Variants in EML6 observed in about 807,000 individuals in gnomAD.
The protein encoded by EML6 is echinoderm microtubule-associated protein-like 6.
EML6 carries 154 observed loss-of-function variants against 240.1 expected under a neutral mutation model. The observed-to-expected ratio is 0.64, with a 90% confidence interval of 0.56 to 0.73. The LOEUF is 0.73. EML6 is among the 30% of genes least tolerant of loss of function. EML6 has a pLI of 0.00. For missense variants in EML6, 2,964 were observed against 2,474.6 expected (o/e 1.20, Z -4.20); for synonymous variants, 1,148 against 899.0 (o/e 1.28, Z -4.95).
chr2:54,740,172 C>G (rs778713571), intron 2 of EML6, among the ~76,000 whole-genome samples: 5 of 152,076 alleles, frequency 3.3e-5, no homozygotes, highest in Admixed American at 6.6e-5. Context: ...CAGGAGAGAG[C>G]TGTGAGAGTT....
chr2:54,811,106 C>G (rs78086473), intron 2 of EML6, among the ~76,000 whole-genome samples: 4,262 of 152,186 alleles, frequency 0.028, 75 homozygotes, highest in Middle Eastern at 0.058. Flanking sequence ...TCCCCTCTAC[C>G]CATGTCTTCC....
intron 2 of EML6, among the ~76,000 whole-genome samples, chr2:54,791,272 C>G (rs1007528070): frequency 6.6e-6 from 1 of 152,262 alleles, no homozygotes; most frequent in Admixed American, 6.5e-5. Context: ...ACAGTCCTGC[C>G]GGTATGCTCA....
At chr2:54,823,866 CTCTCTCTCTCTT>C (rs1200234241) in intron 5 of EML6, among the ~76,000 whole-genome samples, 1 of 148,214 alleles carries the variant, frequency 6.7e-6, no homozygotes, top group Non-Finnish European at 1.5e-5. Flanking sequence ...CTCTCTCTCT[CTCTCTCTCTCTT>C]TCTGTCTCTC....
chr2:54,879,713 C>T, intron 17 of EML6, 73 bp downstream of exon 17: 1 of 928,566 alleles, frequency 1.1e-6, no homozygotes, highest in Non-Finnish European at 1.7e-6. Flanking sequence ...TTTTCATTTT[C>T]TGGTAAGATT....
Position 54,794,092 on chromosome 2 carries a change from CAAAT to C in EML6, c.198-19135_198-19132del, listed in dbSNP as rs373132275. Among the ~76,000 whole-genome samples the C allele has an allele frequency of 2.0e-3, 308 of 152,216 alleles. 2 individuals carry two copies. The highest frequency in any genetic ancestry group is 7.0e-3 in the African/African-American group (290 of 41,522). The stretch of plus-strand genomic sequence containing the variant: ...ACTAAGTATATTCCATATATTATCT[CAAAT>C]AAATCTTATCCCAGTGAAGTAAGTT... On this transcript the variant is annotated intron_variant, in intron 2 of 41. Coordinates refer to ENST00000356458, the MANE Select transcript of EML6 (RefSeq NM_001039753.4).
intron 2 of EML6, among the ~76,000 whole-genome samples, chr2:54,797,189 A>AAAAAAAAAAAAAAAAAAAAAAAAT (rs1326558140): frequency 7.2e-6 from 1 of 138,800 alleles, no homozygotes; most frequent in Non-Finnish European, 1.6e-5. Flanking sequence ...AAAAAAAAAA[A>AAAAAAAAAAAAAAAAAAAAAAAAT]CTGTGATCTT....
At chr2:54,780,140 G>A (rs575716921) in intron 2 of EML6, among the ~76,000 whole-genome samples, 39 of 152,056 alleles carry the variant, frequency 2.6e-4, no homozygotes, top group African/African-American at 8.7e-4. Context: ...CCAACTGAGA[G>A]GCATTTATTA....
At chr2:54,907,333 C>T (rs1452666492) in intron 24 of EML6, among the ~76,000 whole-genome samples, 1 of 151,956 alleles carries the variant, frequency 6.6e-6, no homozygotes, top group East Asian at 1.9e-4. Context: ...ATGGTGAAAC[C>T]CTATCTCTAC....
At chr2:54,820,250 C>T (rs946033414) in intron 4 of EML6, 144 bp from the exon 5 acceptor site, 5 of 592,760 alleles carry the variant, frequency 8.4e-6, no homozygotes, top group Non-Finnish European at 1.2e-5. Flanking sequence ...CTGACTCATT[C>T]CAAGCCAAAT....
At position 54,903,167 on chromosome 2, in the gene EML6, A is replaced by C; in HGVS notation, c.3248A>C (p.Glu1083Ala). 6.4e-7 allele frequency: 1 copy of C among 1,552,100 alleles called. No individual in the cohort carries two copies. Among genetic ancestry groups the C allele is most frequent in the Non-Finnish European group, 8.7e-7 (1 of 1,147,044 alleles). Reference sequence around the variant, plus strand: ...ATGGTCTCTTTCCATCACAGAAAAGAAATGATCTCTGATATTAAGTTTTCA... The same window carrying C: ...ATGGTCTCTTTCCATCACAGAAAAGCAATGATCTCTGATATTAAGTTTTCA... ...EDMVSFHHRKEMISDIKFSKD... is the reference protein window; with the variant it reads ...EDMVSFHHRKAMISDIKFSKD... Residue 1083 changes from glutamate to alanine, a missense_variant, in exon 23 of 42, where the codon GAA becomes GCA. Glu to Ala is a moderately radical substitution (Grantham distance 107). Coordinates refer to ENST00000356458, the MANE Select transcript of EML6 (RefSeq NM_001039753.4).
At chr2:54,875,328 G>A (rs1671450431) in intron 16 of EML6, among the ~76,000 whole-genome samples, 1 of 152,222 alleles carries the variant, frequency 6.6e-6, no homozygotes, top group Admixed American at 6.5e-5. Flanking sequence ...AATGTTGAAA[G>A]AGGAGACTAC....
chr2:54,959,331 C>A, intron 34 of EML6, 70 bp downstream of exon 34: 1 of 1,409,846 alleles, frequency 7.1e-7, no homozygotes, highest in South Asian at 1.5e-5. Flanking sequence ...CAAAAGTGTT[C>A]CCAACTTGGA....
chr2:54,821,269 C>T (rs1315341136), intron 5 of EML6, among the ~76,000 whole-genome samples: 3 of 152,082 alleles, frequency 2.0e-5, no homozygotes, highest in Non-Finnish European at 4.4e-5. Context: ...TAGTTTTTCA[C>T]GATCCTTCCC....
At chr2:54,817,852 G>A (rs1193174413) in intron 4 of EML6, among the ~76,000 whole-genome samples, 1 of 149,202 alleles carries the variant, frequency 6.7e-6, no homozygotes, top group Non-Finnish European at 1.5e-5. Context: ...GAGGTTTGTA[G>A]TTGTAAGGAG....
At chr2:54,924,902 C>A (rs1213266591) in intron 26 of EML6, among the ~76,000 whole-genome samples, 3 of 152,104 alleles carry the variant, frequency 2.0e-5, no homozygotes, top group Non-Finnish European at 2.9e-5. Context: ...GGCACACTTT[C>A]CTTCCCAAAT....
chr2:54,872,602 C>G (rs1344998794), intron 16 of EML6, among the ~76,000 whole-genome samples: 1 of 152,214 alleles, frequency 6.6e-6, no homozygotes. Flanking sequence ...TTGGCTGACT[C>G]ATTGTGGAGC....
At chr2:54,789,490 G>T (rs1287950996) in intron 2 of EML6, among the ~76,000 whole-genome samples, 1 of 115,444 alleles carries the variant, frequency 8.7e-6, no homozygotes, top group Non-Finnish European at 1.6e-5. Flanking sequence ...CTCCCGCCTG[G>T]GCCACAGAGC....
intron 7 of EML6, among the ~76,000 whole-genome samples, chr2:54,834,429 G>C (rs1016086514): frequency 6.6e-6 from 1 of 152,164 alleles, no homozygotes; most frequent in Admixed American, 6.5e-5. Flanking sequence ...TGGGTTAATG[G>C]TTATAAATGA....
At chr2:54,873,027 T>C (rs1371646819) in intron 16 of EML6, among the ~76,000 whole-genome samples, 1 of 152,168 alleles carries the variant, frequency 6.6e-6, no homozygotes, top group Non-Finnish European at 1.5e-5. Context: ...ACATGTCATA[T>C]TGCTGTGCAA....
Sources: allele counts gnomAD v4.1 joint callset (sites outside exome capture counted in the v4.1 genomes callset), GRCh38; gene constraint gnomAD v4.1.1; transcripts MANE v1.5; gene names NCBI Gene and HGNC (gene_info 2026-07-23, HGNC 2026-07-21).